Variants in FGD4 observed in about 807,000 individuals in gnomAD.
FGD4 encodes the protein FYVE, RhoGEF and PH domain-containing protein 4.
A neutral mutation model predicts 102.0 loss-of-function variants in FGD4; 42 were observed. That is an observed-to-expected ratio of 0.41 (90% CI 0.32 to 0.53). The LOEUF (loss-of-function observed/expected upper bound fraction) is 0.53. Ranked by LOEUF, FGD4 falls within the 20% of genes least tolerant of loss-of-function variation. The pLI, the probability that FGD4 is intolerant of heterozygous loss-of-function variation, is 0.21. For synonymous variants in FGD4, 380 were observed against 375.7 expected, an observed-to-expected ratio of 1.01 and a Z score of -0.13; for missense variants, 902 against 1,078.2, an observed-to-expected ratio of 0.84 and a Z score of 2.29.
intron 1 of FGD4, among the ~76,000 whole-genome samples, chr12:32,546,621 G>A (rs568085899): frequency 3.9e-5 from 6 of 152,328 alleles, no homozygotes; most frequent in African/African-American, 1.2e-4. Context: ...AGGAGGTTTG[G>A]GTCAGGCCTA....
intron 4 of FGD4, among the ~76,000 whole-genome samples, chr12:32,585,802 C>T (rs78805830): frequency 0.011 from 1,621 of 141,858 alleles, 28 homozygotes; most frequent in East Asian, 0.034. Flanking sequence ...CTACTTCACT[C>T]TCACCTGGGC....
At chr12:32,459,457 C>T (rs1229367063) in intron 1 of FGD4, among the ~76,000 whole-genome samples, 2 of 151,776 alleles carry the variant, frequency 1.3e-5, no homozygotes, top group African/African-American at 2.4e-5. Context: ...CCTCCCAAAG[C>T]GCTGGGATTA....
In FGD4 at chr12:32,518,528, T is replaced by C. The variant is rs1940144116; in HGVS notation, c.167-45609T>C. On this transcript the variant is annotated intron_variant, in intron 1 of 16. Transcript: ENST00000534526. Reference sequence around the variant, plus strand: ...CCTGGCATTCCTAATATTTTTGTCCTTTTTCTAGCATTTTTTTCCATCTAT... The same window carrying C: ...CCTGGCATTCCTAATATTTTTGTCCCTTTTCTAGCATTTTTTTCCATCTAT... Among the ~76,000 whole-genome samples, 3 of 151,984 alleles carry C rather than the reference T, an allele frequency of 2.0e-5. No homozygotes were observed. In the South Asian group the frequency reaches 6.3e-4, roughly 32 times the overall value.
At chr12:32,596,340 G>T (rs2136577746) in intron 4 of FGD4, among the ~76,000 whole-genome samples, 1 of 152,350 alleles carries the variant, frequency 6.6e-6, no homozygotes, top group Non-Finnish European at 1.5e-5. Context: ...CATATGCCAG[G>T]CAGAGAGGAT....
chr12:32,609,648 T>C (rs1949017271), intron 8 of FGD4, among the ~76,000 whole-genome samples: 1 of 152,034 alleles, frequency 6.6e-6, no homozygotes, highest in Non-Finnish European at 1.5e-5. Flanking sequence ...TTGTTTGTTT[T>C]CCATTGCTAC....
At chr12:32,415,141 A>G (rs1941355934) in intron 1 of FGD4, among the ~76,000 whole-genome samples, 1 of 152,130 alleles carries the variant, frequency 6.6e-6, no homozygotes, top group African/African-American at 2.4e-5. Flanking sequence ...GTGGTCAGAG[A>G]AGATGCTTGC....
intron 1 of FGD4, among the ~76,000 whole-genome samples, chr12:32,496,969 A>T (rs533629926): frequency 1.3e-5 from 2 of 152,212 alleles, no homozygotes; most frequent in Non-Finnish European, 2.9e-5. Flanking sequence ...TTTGACTAAG[A>T]CACAATTATC....
intron 11 of FGD4, among the ~76,000 whole-genome samples, chr12:32,623,883 A>G (rs1273358571): frequency 6.6e-6 from 1 of 152,200 alleles, no homozygotes; most frequent in African/African-American, 2.4e-5. Flanking sequence ...AAATTTTTAT[A>G]TGCTTTTCTT....
At chr12:32,564,431 T>A in intron 2 of FGD4, 142 bp downstream of exon 2, 1 of 1,053,718 alleles carries the variant, frequency 9.5e-7, no homozygotes, top group African/African-American at 1.6e-5. Context: ...AGAGTCCATC[T>A]GTGCATCTTC....
chr12:32,421,699 G>T lies in FGD4; in HGVS notation c.166+21740G>T, dbSNP rs182408364. Among the ~76,000 whole-genome samples, 11 of 152,120 alleles carry T rather than the reference G, an allele frequency of 7.2e-5. No individual in the cohort carries two copies. In the East Asian group the frequency reaches 7.7e-4, roughly 11 times the overall value. On this transcript the variant is annotated intron_variant, in intron 1 of 16. Coordinates refer to ENST00000534526, the MANE Select transcript of FGD4 (RefSeq NM_001370298.3). ...GATAAAAGGACTCCTTTCTTCTGCT[G>T]TTGCCTTACCAGTCACATATGTGGT...
intron 15 of FGD4, among the ~76,000 whole-genome samples, chr12:32,634,393 T>C (rs1004758819): frequency 6.6e-6 from 1 of 152,226 alleles, no homozygotes; most frequent in Non-Finnish European, 1.5e-5. Flanking sequence ...TAGTTTACTA[T>C]AGTCATTTAA....
rs1463004734 is a variant in FGD4, at chr12:32,582,294, A to C, written c.838A>C (p.Thr280Pro). 3 of 1,614,138 alleles carry C rather than the reference A, an allele frequency of 1.9e-6. No individual in the cohort carries two copies. Among genetic ancestry groups the C allele is most frequent in the Non-Finnish European group, 2.5e-6 (3 of 1,180,050 alleles). The stretch of plus-strand genomic sequence containing the variant: ...AACTGCCACAGCTCCTGCATCACCC[A>C]CAACAGACAGCTGTGATGGAAATGC... ...DETATAPASP[T>P]TDSCDGNASD... Residue 280 changes from threonine (T) to proline (P), a missense_variant, in exon 4 of 17, where the codon ACA becomes CCA. This residue lies in a region of FGD4 where 443 missense variants were observed against 459.2 expected (regional missense o/e 0.96). Coordinates refer to ENST00000534526, the MANE Select transcript of FGD4 (RefSeq NM_001370298.3).
intron 1 of FGD4, among the ~76,000 whole-genome samples, chr12:32,427,988 C>A (rs918988146): frequency 1.3e-5 from 2 of 152,156 alleles, no homozygotes; most frequent in African/African-American, 4.8e-5. Flanking sequence ...CTGAATACAG[C>A]ACACCAATGG....
At chr12:32,567,642 T>G (rs1945300511) in intron 2 of FGD4, among the ~76,000 whole-genome samples, 1 of 151,980 alleles carries the variant, frequency 6.6e-6, no homozygotes, top group Non-Finnish European at 1.5e-5. Context: ...CTTTTTTTCC[T>G]TATGTAGATT....
chr12:32,632,587 G>A (rs1028864294), intron 14 of FGD4, among the ~76,000 whole-genome samples: 2 of 152,106 alleles, frequency 1.3e-5, no homozygotes, highest in African/African-American at 4.8e-5. Context: ...GGACTTTGGA[G>A]GCCATGATTA....
chr12:32,494,557 G>T (rs1028796235), intron 1 of FGD4, among the ~76,000 whole-genome samples: 1 of 152,170 alleles, frequency 6.6e-6, no homozygotes, highest in African/African-American at 2.4e-5. Flanking sequence ...ACATTTACTG[G>T]TGATACCTGT....
At chr12:32,440,610 C>T (rs1011783064) in intron 1 of FGD4, among the ~76,000 whole-genome samples, 2 of 152,188 alleles carry the variant, frequency 1.3e-5, no homozygotes, top group African/African-American at 2.4e-5. Context: ...GACTACACGG[C>T]GTCAGACTTG....
Position 32,645,030 on chromosome 12 carries a change from G to T in FGD4, c.*4497G>T, listed in dbSNP as rs367545740. 1 of 152,056 alleles carries T rather than the reference G, an allele frequency of 6.6e-6. No individual in the cohort carries two copies. 9.4% of individuals were successfully genotyped at this position (152,056 alleles called of 1,614,324 possible). On this transcript the variant is annotated 3_prime_UTR_variant, in exon 17 of 17. Transcript: ENST00000534526. ...ATAGTTTTAACTTGTTGGGGTCACC[G>T]GGAGTTATATGATGGTCAACCCCTT... is the stretch of plus-strand genomic sequence containing the variant.
chr12:32,422,300 T>C (rs1941664997), intron 1 of FGD4, among the ~76,000 whole-genome samples: 1 of 107,942 alleles, frequency 9.3e-6, no homozygotes, highest in Non-Finnish European at 1.9e-5. Flanking sequence ...TTTTTTTTTT[T>C]TTTTTTTTTT....
Sources: gnomAD v4.1 joint callset for allele counts (sites outside exome capture counted in the v4.1 genomes callset) on GRCh38, gnomAD v4.1.1 for gene constraint, gnomAD v4.1.1 regional missense constraint, MANE v1.5 for transcripts, NCBI Gene and HGNC (gene_info 2026-07-23, HGNC 2026-07-21) for gene names.